The following SLC24A2 variants were observed in gnomAD, a reference collection of about 807,000 sequenced individuals.
SLC24A2 encodes the protein sodium/potassium/calcium exchanger 2.
In SLC24A2, 36 loss-of-function variants were observed where a neutral mutation model predicts 62.0. That is an observed-to-expected ratio of 0.58 (90% CI 0.44 to 0.77). The LOEUF is 0.77. Ranked by LOEUF, SLC24A2 falls within the 30% of genes least tolerant of loss-of-function variation. SLC24A2 has a pLI of 0.00. For missense variants in SLC24A2, 846 were observed against 817.9 expected (o/e 1.03, Z -0.42); for synonymous variants, 358 against 294.0 (o/e 1.22, Z -2.23).
the SLC24A2 span, among the ~76,000 whole-genome samples, chr9:20,291,583 G>A: frequency 6.6e-6 from 1 of 152,144 alleles, no homozygotes; most frequent in Admixed American, 6.5e-5. Context: ...ATGTGTCTCT[G>A]GCCAGCCCAT....
the SLC24A2 span, among the ~76,000 whole-genome samples, chr9:19,855,589 T>G: frequency 6.6e-6 from 1 of 152,248 alleles, no homozygotes; most frequent in African/African-American, 2.4e-5. Flanking sequence ...TTGGAAATTC[T>G]TTTCTTCAAG....
chr9:19,701,652 G>A (rs1042522759), intron 2 of SLC24A2, among the ~76,000 whole-genome samples: 5 of 152,194 alleles, frequency 3.3e-5, no homozygotes, highest in African/African-American at 4.8e-5. Flanking sequence ...TTTGCAGGAT[G>A]CTGACCAATC....
intron 2 of SLC24A2, among the ~76,000 whole-genome samples, chr9:19,756,060 C>G (rs1381672151): frequency 6.6e-6 from 1 of 152,142 alleles, no homozygotes; most frequent in Non-Finnish European, 1.5e-5. Flanking sequence ...GGTTCCTGAC[C>G]ATGGCAAATT....
the SLC24A2 span, among the ~76,000 whole-genome samples, chr9:19,862,024 A>C: frequency 1.3e-5 from 2 of 152,182 alleles, no homozygotes; most frequent in Admixed American, 6.5e-5. Flanking sequence ...AAGGGTAGAA[A>C]GTTTATTCAA....
the SLC24A2 span, among the ~76,000 whole-genome samples, chr9:20,210,483 G>GTT: frequency 1.3e-5 from 2 of 149,830 alleles, no homozygotes; most frequent in African/African-American, 4.9e-5. Context: ...TTTTGTTTTT[G>GTT]TTTTTTTTTG....
chr9:20,235,532 T>A, the SLC24A2 span, among the ~76,000 whole-genome samples: 1 of 152,222 alleles, frequency 6.6e-6, no homozygotes, highest in East Asian at 1.9e-4. Flanking sequence ...CTCTGAGCCA[T>A]ATGCGGGATA....
intron 8 of SLC24A2, among the ~76,000 whole-genome samples, chr9:19,545,797 C>A (rs528620613): frequency 2.0e-4 from 31 of 152,160 alleles, no homozygotes; most frequent in African/African-American, 7.2e-4. Context: ...CACCACCACG[C>A]CTGCCTAATT....
the SLC24A2 span, among the ~76,000 whole-genome samples, chr9:20,242,283 G>C: frequency 6.6e-6 from 1 of 152,176 alleles, no homozygotes; most frequent in Admixed American, 6.5e-5. Context: ...GTGGAGTCCT[G>C]AGAAATAGGG....
At chr9:19,543,524 A>C (rs1834388895) in intron 8 of SLC24A2, among the ~76,000 whole-genome samples, 1 of 151,378 alleles carries the variant, frequency 6.6e-6, no homozygotes, top group African/African-American at 2.4e-5. Context: ...TTTTGATGTT[A>C]GGGTGTCGAT....
chr9:19,937,771 T>G, the SLC24A2 span, among the ~76,000 whole-genome samples: 2 of 152,200 alleles, frequency 1.3e-5, no homozygotes, highest in Non-Finnish European at 1.5e-5. Flanking sequence ...TTCCTGTGCT[T>G]CTCTCTGGAT....
intron 4 of SLC24A2, among the ~76,000 whole-genome samples, chr9:19,605,667 T>G (rs1836964150): frequency 6.6e-6 from 1 of 152,222 alleles, no homozygotes; most frequent in African/African-American, 2.4e-5. Context: ...TCTAAAATTT[T>G]GATGGCTGCA....
At chr9:19,646,065 A>C (rs909723170) in intron 2 of SLC24A2, among the ~76,000 whole-genome samples, 4 of 152,216 alleles carry the variant, frequency 2.6e-5, no homozygotes, top group Admixed American at 2.6e-4. Flanking sequence ...GGGACAATGC[A>C]CATCAAATCA....
chr9:20,042,663 T>C, the SLC24A2 span, among the ~76,000 whole-genome samples: 3 of 152,200 alleles, frequency 2.0e-5, no homozygotes, highest in Non-Finnish European at 4.4e-5. Context: ...TTTATTGTGC[T>C]TTGCTTTATT....
chr9:19,957,129 A>G, the SLC24A2 span, among the ~76,000 whole-genome samples: 1 of 152,256 alleles, frequency 6.6e-6, no homozygotes, highest in Non-Finnish European at 1.5e-5. Context: ...GATACGAAAT[A>G]TAATACATTA....
chr9:19,810,010 A>C, the SLC24A2 span, among the ~76,000 whole-genome samples: 46 of 152,306 alleles, frequency 3.0e-4, 1 homozygote, highest in African/African-American at 9.9e-4. Context: ...CACAATGAAG[A>C]GTCTGTAGAA....
intron 2 of SLC24A2, among the ~76,000 whole-genome samples, chr9:19,643,336 T>C (rs955369437): frequency 6.6e-6 from 1 of 152,248 alleles, no homozygotes; most frequent in Non-Finnish European, 1.5e-5. Flanking sequence ...TTTCATGTTT[T>C]TTAAAATTAA....
At chr9:19,548,515 C>G (rs889947232) in intron 8 of SLC24A2, among the ~76,000 whole-genome samples, 1 of 152,192 alleles carries the variant, frequency 6.6e-6, no homozygotes, top group Non-Finnish European at 1.5e-5. Flanking sequence ...GCCTTGGGCT[C>G]TCAGGGTTGG....
the SLC24A2 span, among the ~76,000 whole-genome samples, chr9:19,890,028 T>TCTTA: frequency 0.4 from 60,347 of 151,718 alleles, 12,549 homozygotes; most frequent in East Asian, 0.82. Context: ...TCACTTACCT[T>TCTTA]CTTACTTAGT....
chr9:19,947,787 T>C, the SLC24A2 span, among the ~76,000 whole-genome samples: 4 of 13,924 alleles, frequency 2.9e-4, no homozygotes, highest in South Asian at 2.0e-3. Flanking sequence ...CGAGACTCTG[T>C]CTCAAAAAAA....
Sources: gnomAD v4.1 joint callset for allele counts (sites outside exome capture counted in the v4.1 genomes callset) on GRCh38, gnomAD v4.1.1 for gene constraint, MANE v1.5 for transcripts, NCBI Gene and HGNC (gene_info 2026-07-23, HGNC 2026-07-21) for gene names.